Variants in SI observed in about 807,000 individuals in gnomAD.
SI encodes sucrase-isomaltase, intestinal.
A neutral mutation model predicts 253.3 loss-of-function variants in SI; 235 were observed. That is an observed-to-expected ratio of 0.93 (90% confidence interval 0.83 to 1.03). The LOEUF is 1.03. Ranked by LOEUF, SI falls within the 50% of genes least tolerant of loss-of-function variation. SI has a pLI of 0.00. For missense variants in SI, 2,442 were observed against 2,211.1 expected (o/e 1.10, Z -2.09); for synonymous variants, 819 against 712.0 (o/e 1.15, Z -2.39).
At chr3:165,037,638 T>G (rs191836848) in intron 21 of SI, among the ~76,000 whole-genome samples, 193 of 152,004 alleles carry the variant, frequency 1.3e-3, no homozygotes, top group Middle Eastern at 3.4e-3. Flanking sequence ...AATATTATCT[T>G]TAATTATGCT....
chr3:165,033,462 G>A lies in SI; in HGVS notation c.2516-18C>T, dbSNP rs373907450. 23 of 1,526,456 alleles carry A rather than the reference G, an allele frequency of 1.5e-5. No homozygotes were observed. The highest frequency in any genetic ancestry group is 6.5e-5 in the South Asian group (5 of 76,600). The allele number at this position is 1,526,456 out of a possible 1,614,324, so 94.6% of individuals were successfully genotyped here. A position where few individuals can be genotyped will look rare whatever the true frequency, so the allele number is the denominator to read the frequency against. ...TATTGTATCTGAAATGAAAAATATC[G>A]TGATCAGTACAAAATGCAATGTTAA... is the stretch of plus-strand genomic sequence containing the variant. On this transcript the variant is annotated intron_variant, in intron 22 of 47. Transcript: ENST00000264382.
chr3:164,998,184 C>G (rs1718102607), intron 38 of SI, among the ~76,000 whole-genome samples: 1 of 151,786 alleles, frequency 6.6e-6, no homozygotes, highest in South Asian at 2.1e-4. Flanking sequence ...ATCTTGAAAG[C>G]ATCTGTTATT....
At chr3:164,986,682 G>T (rs1457801) in intron 45 of SI, among the ~76,000 whole-genome samples, 37,286 of 152,072 alleles carry the variant, frequency 0.25, 7,798 homozygotes, top group African/African-American at 0.57. Context: ...TCATGTTAAC[G>T]TGTGCTTTGT....
At chr3:165,035,099 A>T (rs1221082237) in intron 22 of SI, among the ~76,000 whole-genome samples, 1 of 151,978 alleles carries the variant, frequency 6.6e-6, no homozygotes, top group African/African-American at 2.4e-5. Flanking sequence ...AACACGATAG[A>T]TGGAGCAGAT....
Position 165,063,470 on chromosome 3 carries a change from A to C in SI, c.879T>G (p.Gly293=), listed in dbSNP as rs571501494. The C allele has an allele frequency of 6.5e-7, 1 of 1,547,404 alleles. No homozygotes were observed. Among genetic ancestry groups the C allele is most frequent in the African/African-American group, 1.4e-5 (1 of 73,618 alleles). ...CIEDTSGKSF[G]VFLMNSNAME... ...TTGCATTGCTATTCATTAAAAAAAC[A>C]CCGAATGACTTTCCAGATGTATCTT... The change falls in exon 8 of 48, where the codon GGT becomes GGG. Residue 293 remains glycine (G), a synonymous_variant. Transcript: ENST00000264382.
At chr3:165,074,433 T>C in intron 3 of SI, 98 bp downstream of exon 3, 14 of 736,808 alleles carry the variant, frequency 1.9e-5, no homozygotes, top group Non-Finnish European at 2.9e-5. Flanking sequence ...AATTTATGTC[T>C]AGATCTTTAT....
chr3:164,995,514 T>C (rs565744231), intron 40 of SI, among the ~76,000 whole-genome samples: 31 of 151,920 alleles, frequency 2.0e-4, no homozygotes, highest in African/African-American at 7.2e-4. Flanking sequence ...TAAGTAGAGT[T>C]TTCTATCCTC....
intron 47 of SI, among the ~76,000 whole-genome samples, chr3:164,981,410 CAT>C (rs1166728236): frequency 4.0e-5 from 6 of 151,748 alleles, no homozygotes; most frequent in Non-Finnish European, 1.5e-5. Flanking sequence ...TGTCCAAATG[CAT>C]ATATATATAT....
chr3:165,012,521 T>C (rs564285935), intron 34 of SI, among the ~76,000 whole-genome samples: 2 of 152,064 alleles, frequency 1.3e-5, no homozygotes, highest in Non-Finnish European at 2.9e-5. Flanking sequence ...CTCCACCTCC[T>C]GGGTTAACAC....
chr3:165,049,333 T>A (rs1713311334), intron 14 of SI, 89 bp from the exon 15 acceptor site: 5 of 801,734 alleles, frequency 6.2e-6, no homozygotes, highest in Non-Finnish European at 1.1e-5. Flanking sequence ...TTCCTTTTCA[T>A]TTGTGTTATG....
rs966189337 is a variant in SI, at chr3:165,018,015, C to T, written c.3475G>A (p.Glu1159Lys). 36 of 1,611,874 alleles carry T rather than the reference C, an allele frequency of 2.2e-5. No homozygotes were observed. The highest frequency in any genetic ancestry group is 5.0e-5 in the Admixed American group (3 of 59,906). The change falls in exon 29 of 48, where the codon GAG (glutamate) becomes AAG (lysine). Residue 1159 changes from glutamate (E) to lysine (K), a missense_variant. Coordinates refer to ENST00000264382, the MANE Select transcript of SI (RefSeq NM_001041.4). ...FHPYYMALEE[E>K]GNAHGVFLLN... The stretch of plus-strand genomic sequence containing the variant: ...AAGAAAACACCATGAGCATTGCCCT[C>T]CTCTTCCAGAGCCATGTAATAGGGA...
chr3:165,038,046 A>C (rs763180919), intron 20 of SI, 22 bp from the exon 21 acceptor site: 1 of 1,571,828 alleles, frequency 6.4e-7, no homozygotes, highest in South Asian at 1.1e-5. Flanking sequence ...AAGATTAAAA[A>C]CATTCTTAAT....
At chr3:164,984,605 C>T (rs1717351828) in intron 45 of SI, among the ~76,000 whole-genome samples, 1 of 151,992 alleles carries the variant, frequency 6.6e-6, no homozygotes, top group Non-Finnish European at 1.5e-5. Context: ...TGGTCAAGGA[C>T]ACAAATATAA....
intron 33 of SI, 100 bp downstream of exon 33, chr3:165,015,022 TA>T: frequency 1.2e-6 from 1 of 814,076 alleles, no homozygotes; most frequent in Non-Finnish European, 2.1e-6. Context: ...TACATTTCTG[TA>T]TAGCTCTCCT....
chr3:165,024,161 C>T (rs957062650), intron 25 of SI, among the ~76,000 whole-genome samples: 9 of 151,386 alleles, frequency 5.9e-5, no homozygotes, highest in African/African-American at 2.2e-4. Context: ...GGCATTATAA[C>T]ATGCCTCTAA....
chr3:164,981,943 T>TA (rs1717208684), intron 47 of SI, among the ~76,000 whole-genome samples: 1 of 152,140 alleles, frequency 6.6e-6, no homozygotes, highest in Non-Finnish European at 1.5e-5. Context: ...ATCTTATTTT[T>TA]AAAAAAGTAT....
chr3:165,040,390 A>G (rs1184658469), intron 18 of SI, among the ~76,000 whole-genome samples: 1 of 152,070 alleles, frequency 6.6e-6, no homozygotes, highest in Non-Finnish European at 1.5e-5. Flanking sequence ...TTATTTATAC[A>G]AAAATTCTTC....
chr3:164,995,881 A>G (rs1244941622), intron 40 of SI, among the ~76,000 whole-genome samples: 1 of 151,800 alleles, frequency 6.6e-6, no homozygotes, highest in African/African-American at 2.4e-5. Flanking sequence ...AGGACTTCGT[A>G]AATATGAAAT....
rs1293207129 is a variant in SI, at chr3:165,023,692, T to C, written c.2977A>G (p.Met993Val). The change falls in exon 26 of 48, where the codon ATG (methionine) becomes GTG (valine). Residue 993 changes from methionine to valine, a missense_variant. By Grantham distance (21) the Met-to-Val change is conservative. Coordinates refer to ENST00000264382, the MANE Select transcript of SI (RefSeq NM_001041.4). The part of the protein sequence containing the change: ...YSVNSARYSS[M>V]GITADLQLNT... ...AGTTGGAGGTCAGCTGTTATACCCA[T>C]GGATGAATAGCGAGCTGAGTTGACT... 2.5e-6 allele frequency: 4 copies of C among 1,610,724 alleles called. No individual in the cohort carries two copies. Among genetic ancestry groups the C allele is most frequent in the African/African-American group, 2.7e-5 (2 of 74,678 alleles).
Sources: allele counts gnomAD v4.1 joint callset (sites outside exome capture counted in the v4.1 genomes callset), GRCh38; gene constraint gnomAD v4.1.1; transcripts MANE v1.5; gene names NCBI Gene and HGNC (gene_info 2026-07-23, HGNC 2026-07-21).